SLC28A1: variants seen among roughly 807,000 people sequenced by gnomAD.
SLC28A1 encodes sodium/nucleoside cotransporter 1.
In SLC28A1, 64 loss-of-function variants were observed where a neutral mutation model predicts 74.8. The observed-to-expected ratio is 0.86, with a 90% CI of 0.70 to 1.05. SLC28A1 has a LOEUF of 1.05. SLC28A1 is among the 50% of genes least tolerant of loss of function. The pLI is 0.00. For synonymous variants in SLC28A1, 359 were observed against 335.0 expected, an observed-to-expected ratio of 1.07 and a Z score of -0.78; for missense variants, 828 against 822.8, an observed-to-expected ratio of 1.01 and a Z score of -0.08.
Position 84,923,970 on chromosome 15 carries a change from CT to C in SLC28A1, c.958-12del. On this transcript the variant is annotated splice_polypyrimidine_tract_variant and intron_variant, in intron 11 of 18. Coordinates refer to ENST00000394573, the MANE Select transcript of SLC28A1 (RefSeq NM_004213.5). The stretch of plus-strand genomic sequence containing the variant: ...CACCCCCACCCTGCTTGTCTGACAT[CT>C]TTCCTGTTTGCAGACCGAGGCTCCA... 1 of 1,614,060 alleles carries C rather than the reference CT, an allele frequency of 6.2e-7. No individual in the cohort carries two copies. The highest frequency in any genetic ancestry group is 8.5e-7 in the Non-Finnish European group (1 of 1,180,016).
the SLC28A1 span, among the ~76,000 whole-genome samples, chr15:84,970,845 A>G: frequency 6.6e-6 from 1 of 152,054 alleles, no homozygotes; most frequent in Non-Finnish European, 1.5e-5. Context: ...AAAAAAAAAC[A>G]AAAACAAAAA....
downstream of SLC28A1, among the ~76,000 whole-genome samples, chr15:84,946,140 A>T (rs1287879553): frequency 4.4e-5 from 1 of 22,912 alleles, no homozygotes; most frequent in Non-Finnish European, 7.9e-5. Flanking sequence ...TTTTTGGTAG[A>T]GATGAGGTCT....
intron 12 of SLC28A1, among the ~76,000 whole-genome samples, chr15:84,932,201 G>A (rs1971387051): frequency 6.6e-6 from 1 of 152,084 alleles, no homozygotes; most frequent in Non-Finnish European, 1.5e-5. Context: ...AGGCCTTGAT[G>A]ACCATCATTT....
At chr15:84,917,983 A>G (rs1969349596) in intron 9 of SLC28A1, among the ~76,000 whole-genome samples, 1 of 152,010 alleles carries the variant, frequency 6.6e-6, no homozygotes, top group South Asian at 2.1e-4. Context: ...ATGGGAGGAG[A>G]TGCTGGCTCA....
At chr15:84,886,333 A>G (rs1284915253) in intron 1 of SLC28A1, 2 of 985,156 alleles carry the variant, frequency 2.0e-6, no homozygotes, top group Non-Finnish European at 2.4e-6. Flanking sequence ...GAAAGATAAA[A>G]TGCAAAAAGC....
intron 9 of SLC28A1, among the ~76,000 whole-genome samples, chr15:84,912,809 CACACACA>C (rs1968516427): frequency 1.8e-5 from 1 of 56,584 alleles, no homozygotes; most frequent in Non-Finnish European, 5.1e-5. Flanking sequence ...CGCGCGCGCA[CACACACA>C]CACACACACA....
At chr15:84,893,195 T>A (rs1294653900) in intron 5 of SLC28A1, among the ~76,000 whole-genome samples, 2 of 151,968 alleles carry the variant, frequency 1.3e-5, no homozygotes, top group African/African-American at 2.4e-5. Context: ...CTCAGAGGCC[T>A]CCCTCTCCAA....
intron 7 of SLC28A1, among the ~76,000 whole-genome samples, chr15:84,904,524 C>G (rs145331962): frequency 2.0e-5 from 3 of 152,328 alleles, no homozygotes; most frequent in Non-Finnish European, 4.4e-5. Context: ...TCTGTAGGCT[C>G]AGGAACCACC....
chr15:84,912,423 G>T (rs1208319548), intron 9 of SLC28A1, among the ~76,000 whole-genome samples: 1 of 152,124 alleles, frequency 6.6e-6, no homozygotes, highest in Non-Finnish European at 1.5e-5. Flanking sequence ...CTTCTGGGGG[G>T]AAGTAAAGTC....
rs2141769584 is a variant in SLC28A1 at position 84,904,125 on chromosome 15, C to T, written c.490C>T (p.Leu164=). The stretch of plus-strand genomic sequence containing the variant: ...TCTAGCTCTTGCTGCTTTCCTGGGC[C>T]TGGTCCTGTGGCTGTCTCTGGACAC... ...RGLALAAFLG[L]VLWLSLDTSQ... The change falls in exon 7 of 19, where the codon CTG becomes TTG. Residue 164 remains leucine, a synonymous_variant. Coordinates refer to ENST00000394573, the MANE Select transcript of SLC28A1 (RefSeq NM_004213.5). 6.2e-7 allele frequency: 1 copy of T among 1,614,190 alleles called. No homozygotes were observed. The highest frequency in any genetic ancestry group is 8.5e-7 in the Non-Finnish European group (1 of 1,180,044).
chr15:84,962,728 A>AAG, the SLC28A1 span, among the ~76,000 whole-genome samples: 1 of 152,172 alleles, frequency 6.6e-6, no homozygotes, highest in Non-Finnish European at 1.5e-5. Context: ...TGAGAGCAGG[A>AAG]AGAAGGGAGA....
chr15:84,925,004 G>A (rs1056231988), intron 12 of SLC28A1, among the ~76,000 whole-genome samples: 7 of 146,620 alleles, frequency 4.8e-5, no homozygotes, highest in Admixed American at 2.1e-4. Flanking sequence ...TGGTTCAAGC[G>A]TTTCTCCTGC....
the SLC28A1 span, among the ~76,000 whole-genome samples, chr15:84,958,986 G>A: frequency 1.3e-5 from 2 of 150,994 alleles, no homozygotes; most frequent in African/African-American, 4.9e-5. Flanking sequence ...TGTAGTCCTA[G>A]CTACTCGGGA....
chr15:84,887,613 C>T, intron 2 of SLC28A1, 132 bp from the exon 3 acceptor site: 2 of 1,531,228 alleles, frequency 1.3e-6, no homozygotes, highest in Non-Finnish European at 1.8e-6. Flanking sequence ...CATAGGTGGC[C>T]CCCAGGCAGG....
chr15:84,924,709 T>TA (rs1970270891), intron 12 of SLC28A1, among the ~76,000 whole-genome samples: 1 of 152,230 alleles, frequency 6.6e-6, no homozygotes, highest in African/African-American at 2.4e-5. Flanking sequence ...TAATGCCCGG[T>TA]AATAATGCTT....
chr15:84,941,320 C>G (rs904076525), intron 15 of SLC28A1, among the ~76,000 whole-genome samples: 2 of 151,962 alleles, frequency 1.3e-5, no homozygotes, highest in African/African-American at 4.8e-5. Flanking sequence ...ATTCTCCTGC[C>G]TCAGCCTCCC....
intron 5 of SLC28A1, among the ~76,000 whole-genome samples, chr15:84,893,568 A>T (rs532165949): frequency 1.7e-5 from 2 of 119,222 alleles, no homozygotes; most frequent in African/African-American, 5.5e-5. Context: ...TCTGGGGGTC[A>T]CCGGGGGGGC....
In SLC28A1 at chr15:84,921,031, G is replaced by A. The variant is rs756412017; in HGVS notation, c.919G>A (p.Glu307Lys). The change falls in exon 11 of 19, where the codon GAG becomes AAG. Residue 307 changes from glutamate (E) to lysine (K), a missense_variant. By Grantham distance (56) the Glu-to-Lys change is moderately conservative. Transcript: ENST00000394573. ...MQVTMGTTAT[E>K]TLSVAGNIFV... ...AGTCACCATGGGCACCACAGCCACT[G>A]AGACCCTGAGTGTGGCTGGAAACAT... The A allele has an allele frequency of 1.4e-5, 22 of 1,613,966 alleles. No individual in the cohort carries two copies. The highest frequency in any genetic ancestry group is 8.3e-5 in the Admixed American group (5 of 60,006).
intron 12 of SLC28A1, among the ~76,000 whole-genome samples, chr15:84,931,486 A>T (rs1432945607): frequency 3.6e-5 from 4 of 110,742 alleles, no homozygotes; most frequent in Non-Finnish European, 5.4e-5. Flanking sequence ...CTTTACTGAA[A>T]ATACAAAAAA....
Sources: gnomAD v4.1 joint callset for allele counts (sites outside exome capture counted in the v4.1 genomes callset) on GRCh38, gnomAD v4.1.1 for gene constraint, MANE v1.5 for transcripts, NCBI Gene and HGNC (gene_info 2026-07-23, HGNC 2026-07-21) for gene names.